UTRN: variants seen among roughly 807,000 people sequenced by gnomAD.
The protein encoded by UTRN is utrophin.
In UTRN, 283 loss-of-function variants were observed where a neutral mutation model predicts 463.9. That is an observed-to-expected ratio of 0.61 (90% confidence interval 0.55 to 0.67). The LOEUF is 0.67. Among genes scored for constraint, UTRN ranks in the 30% least tolerant of loss-of-function variants. The pLI, the probability that UTRN is intolerant of heterozygous loss-of-function variation, is 0.00. For synonymous variants in UTRN, 1,442 were observed against 1,431.5 expected (o/e 1.01, Z -0.17); for missense variants, 3,922 against 4,084.3 (o/e 0.96, Z 1.08).
rs774229242 is a variant in UTRN at position 144,516,714 on chromosome 6, A to G, written c.5404-97A>G. Reference sequence around the variant, plus strand: ...AGGTTAACATATCTTGACGTATACTATACTAAGTAGGTTAGTTTTCCTCCT... The same window carrying G: ...AGGTTAACATATCTTGACGTATACTGTACTAAGTAGGTTAGTTTTCCTCCT... On this transcript the variant is annotated intron_variant, in intron 38 of 74. Transcript: ENST00000367545. 4.4e-4 allele frequency: 443 copies of G among 1,004,156 alleles called. 1 individual carries two copies. Among genetic ancestry groups the G allele is most frequent in the Non-Finnish European group, 5.3e-4 (396 of 742,296 alleles). The allele number at this position is 1,004,156 out of a possible 1,614,324, so 62.2% of individuals were successfully genotyped here.
chr6:144,436,175 C>A, intron 10 of UTRN, 37 bp downstream of exon 10: 11 of 1,585,306 alleles, frequency 6.9e-6, no homozygotes, highest in South Asian at 1.1e-5. Context: ...GTGTGTCCCC[C>A]ACGGGACCTG....
chr6:144,743,128 C>T (rs1790287194), intron 54 of UTRN, among the ~76,000 whole-genome samples: 1 of 152,148 alleles, frequency 6.6e-6, no homozygotes. Context: ...TTCCGTCCAA[C>T]TCAATTAAGT....
intron 70 of UTRN, 68 bp downstream of exon 70, chr6:144,836,006 T>C: frequency 1.3e-6 from 2 of 1,562,092 alleles, no homozygotes; most frequent in Non-Finnish European, 1.7e-6. Flanking sequence ...GTAGCCCCCA[T>C]TTATTCTCTT....
intron 51 of UTRN, among the ~76,000 whole-genome samples, chr6:144,626,776 A>G (rs980903063): frequency 6.6e-6 from 1 of 152,112 alleles, no homozygotes; most frequent in Non-Finnish European, 1.5e-5. Flanking sequence ...AGTAGCTGGG[A>G]CTACAGGCAA....
Position 144,778,498 on chromosome 6 carries a change from T to C in UTRN, c.8633-3424T>C, listed in dbSNP as rs140104342. On this transcript the variant is annotated intron_variant, in intron 60 of 74. Transcript: ENST00000367545. ...GGAGCCATCCAAAGAGAAGCAATAA[T>C]AGAAGTAAGAGGAGTGAGTGAGGGC... Among the ~76,000 whole-genome samples, 376 of 151,866 alleles carry C rather than the reference T, an allele frequency of 2.5e-3. 3 individuals carry two copies. The highest frequency in any genetic ancestry group is 8.5e-3 in the African/African-American group (353 of 41,404).
chr6:144,689,721 G>A (rs955893078), intron 52 of UTRN, among the ~76,000 whole-genome samples: 5 of 152,178 alleles, frequency 3.3e-5, no homozygotes, highest in African/African-American at 1.2e-4. Context: ...TGTAGACTCT[G>A]TGATATTCCT....
chr6:144,549,015 G>A (rs182743197), intron 47 of UTRN, among the ~76,000 whole-genome samples, 161 bp downstream of exon 47: 115 of 152,236 alleles, frequency 7.6e-4, no homozygotes, highest in African/African-American at 2.5e-3. Flanking sequence ...AAAGCATAGA[G>A]CTTTTCTTGC....
chr6:144,590,453 A>G (rs1431666589), intron 51 of UTRN, among the ~76,000 whole-genome samples: 2 of 152,160 alleles, frequency 1.3e-5, no homozygotes, highest in Non-Finnish European at 2.9e-5. Context: ...CATTATATTT[A>G]AAAGGACATA....
rs538807410 is a variant in UTRN, at chr6:144,476,959, A to C, written c.3336+2200A>C. On this transcript the variant is annotated intron_variant, in intron 25 of 74. Transcript: ENST00000367545. The stretch of plus-strand genomic sequence containing the variant: ...TGGTTTTGTTATTTTTAATAATGAG[A>C]GATATTAAATGAGAGATATTAATAA... 1.1e-4 allele frequency among the ~76,000 whole-genome samples: 17 copies of C among 152,282 alleles called. No individual in the cohort carries two copies. The East Asian group carries it at 2.7e-3, about 24-fold the overall frequency.
intron 58 of UTRN, among the ~76,000 whole-genome samples, chr6:144,769,715 G>A (rs1793789261): frequency 6.6e-6 from 1 of 152,134 alleles, no homozygotes; most frequent in Non-Finnish European, 1.5e-5. Context: ...TTGAGCCTTG[G>A]TTTGCTCCAT....
intron 39 of UTRN, among the ~76,000 whole-genome samples, chr6:144,518,589 G>A (rs1158948581): frequency 6.6e-6 from 1 of 152,050 alleles, no homozygotes; most frequent in African/African-American, 2.4e-5. Flanking sequence ...TCTAACTTCT[G>A]TCAGATTATA....
intron 73 of UTRN, among the ~76,000 whole-genome samples, chr6:144,846,241 C>T (rs146001724): frequency 1.6e-4 from 24 of 152,288 alleles, no homozygotes; most frequent in African/African-American, 5.3e-4. Flanking sequence ...CTAACTTCTC[C>T]GTTGTTCCTA....
At position 144,462,881 on chromosome 6, in the gene UTRN, C is replaced by T; in HGVS notation, c.3066+15C>T. 1 of 1,582,608 alleles carries T rather than the reference C, an allele frequency of 6.3e-7. No homozygotes were observed. The highest frequency in any genetic ancestry group is 8.6e-7 in the Non-Finnish European group (1 of 1,166,720). On this transcript the variant is annotated intron_variant, in intron 23 of 74. Coordinates refer to ENST00000367545, the MANE Select transcript of UTRN (RefSeq NM_007124.3). Reference sequence around the variant, plus strand: ...GAGCTTTTGAGGTAAATCCAGAGGCCACTGGGAGTTTAAGTTTATTACGGG... The same window carrying T: ...GAGCTTTTGAGGTAAATCCAGAGGCTACTGGGAGTTTAAGTTTATTACGGG...
In UTRN at chr6:144,321,731, A is replaced by G. The variant is rs1490544398; in HGVS notation, c.79+29824A>G. On this transcript the variant is annotated intron_variant, in intron 2 of 74. Transcript: ENST00000367545. ...GTGATCTGCCCACCTCGGCCTCCCA[A>G]AGTGCTAGGATTACAGGCCTGAGCC... Among the ~76,000 whole-genome samples the G allele has an allele frequency of 2.7e-5, 4 of 147,392 alleles. 1 individual carries two copies. In the East Asian group the frequency reaches 8.1e-4, roughly 30 times the overall value.
intron 51 of UTRN, among the ~76,000 whole-genome samples, chr6:144,649,610 G>T (rs892762692): frequency 6.6e-6 from 1 of 152,058 alleles, no homozygotes; most frequent in African/African-American, 2.4e-5. Flanking sequence ...GGAATGATAC[G>T]ACAGTATAAA....
intron 41 of UTRN, among the ~76,000 whole-genome samples, chr6:144,528,841 C>A (rs1373689870): frequency 6.6e-6 from 1 of 152,216 alleles, no homozygotes; most frequent in African/African-American, 2.4e-5. Flanking sequence ...GAGGATTAGG[C>A]GGCAGGCAGG....
At chr6:144,682,195 C>G (rs1028984123) in intron 52 of UTRN, among the ~76,000 whole-genome samples, 1 of 152,102 alleles carries the variant, frequency 6.6e-6, no homozygotes, top group African/African-American at 2.4e-5. Flanking sequence ...TACTCTATCT[C>G]CATGAGTTCA....
At chr6:144,697,992 A>G (rs1275920260) in intron 52 of UTRN, among the ~76,000 whole-genome samples, 2 of 152,182 alleles carry the variant, frequency 1.3e-5, no homozygotes, top group African/African-American at 4.8e-5. Flanking sequence ...ACACGTATAA[A>G]TGTTTTGCAC....
At chr6:144,420,487 A>C (rs7740206) in intron 3 of UTRN, among the ~76,000 whole-genome samples, 1 of 152,164 alleles carries the variant, frequency 6.6e-6, no homozygotes, top group Non-Finnish European at 1.5e-5. Flanking sequence ...TGTATCACAG[A>C]CAGGCAAGGA....
Sources: allele counts gnomAD v4.1 joint callset (sites outside exome capture counted in the v4.1 genomes callset), GRCh38; gene constraint gnomAD v4.1.1; transcripts MANE v1.5; gene names NCBI Gene and HGNC (gene_info 2026-07-23, HGNC 2026-07-21).